Variants in AMBRA1 observed in about 807,000 individuals in gnomAD.
The protein encoded by AMBRA1 is autophagy and beclin 1 regulator 1.
A neutral mutation model predicts 125.4 loss-of-function variants in AMBRA1; 47 were observed. The observed-to-expected ratio is 0.37, with a 90% CI of 0.30 to 0.48. AMBRA1 has a LOEUF of 0.48. Among genes scored for constraint, AMBRA1 ranks in the 20% least tolerant of loss-of-function variants. The probability of loss-of-function intolerance (pLI) is 0.99; values close to 1 mark genes in which losing one functional copy is unlikely to be tolerated. For synonymous variants in AMBRA1, 626 were observed against 655.5 expected (o/e 0.95, Z 0.69); for missense variants, 1,331 against 1,693.4 (o/e 0.79, Z 3.76).
intron 11 of AMBRA1, among the ~76,000 whole-genome samples, chr11:46,485,873 C>T (rs571620898): frequency 5.7e-4 from 87 of 152,348 alleles, no homozygotes; most frequent in African/African-American, 1.9e-3. Flanking sequence ...TCAATAAGCA[C>T]ACTTCTCACT....
intron 11 of AMBRA1, among the ~76,000 whole-genome samples, chr11:46,492,100 G>T (rs903202606): frequency 2.0e-5 from 3 of 152,172 alleles, no homozygotes; most frequent in African/African-American, 7.2e-5. Context: ...AAGCCACACA[G>T]AAGTGCCAGG....
At chr11:46,524,019 C>T (rs1328132915) in intron 7 of AMBRA1, among the ~76,000 whole-genome samples, 1 of 152,140 alleles carries the variant, frequency 6.6e-6, no homozygotes, top group African/African-American at 2.4e-5. Flanking sequence ...CAGGGATGCA[C>T]CACCATGCCC....
At chr11:46,462,079 A>C (rs549950326) in intron 11 of AMBRA1, among the ~76,000 whole-genome samples, 9 of 152,296 alleles carry the variant, frequency 5.9e-5, no homozygotes, top group African/African-American at 2.2e-4. Flanking sequence ...GGCCTGTGGC[A>C]AATTTCTAGC....
chr11:46,457,935 T>C (rs988698109), intron 11 of AMBRA1, among the ~76,000 whole-genome samples: 2 of 149,578 alleles, frequency 1.3e-5, no homozygotes, highest in East Asian at 2.0e-4. Context: ...CATTCCACCC[T>C]ACTGGCCCAG....
At chr11:46,500,797 C>T (rs1232447556) in intron 9 of AMBRA1, among the ~76,000 whole-genome samples, 2 of 152,182 alleles carry the variant, frequency 1.3e-5, no homozygotes, top group African/African-American at 4.8e-5. Flanking sequence ...GTCTTCAATA[C>T]CCAGCTCAAA....
At chr11:46,546,770 C>T (rs1953037325) in intron 4 of AMBRA1, among the ~76,000 whole-genome samples, 1 of 152,180 alleles carries the variant, frequency 6.6e-6, no homozygotes, top group Non-Finnish European at 1.5e-5. Context: ...CAAGTCTCTG[C>T]ATTTAGAATA....
At chr11:46,524,291 G>A (rs1012478475) in intron 7 of AMBRA1, among the ~76,000 whole-genome samples, 2 of 152,216 alleles carry the variant, frequency 1.3e-5, no homozygotes, top group African/African-American at 4.8e-5. Context: ...GACATTTTTG[G>A]TTTTTGCTTC....
chr11:46,427,844 A>G (rs1377334715), intron 14 of AMBRA1, among the ~76,000 whole-genome samples: 1 of 151,980 alleles, frequency 6.6e-6, no homozygotes, highest in African/African-American at 2.4e-5. Context: ...CCCTGTCTCT[A>G]CTAAAAATAC....
chr11:46,408,391 C>T, intron 17 of AMBRA1, 122 bp downstream of exon 17: 1 of 1,115,922 alleles, frequency 9.0e-7, no homozygotes. Context: ...TGAGGAGGCT[C>T]TTAATGCCAC....
At chr11:46,513,683 G>T (rs1311406600) in intron 7 of AMBRA1, among the ~76,000 whole-genome samples, 1 of 152,110 alleles carries the variant, frequency 6.6e-6, no homozygotes, top group East Asian at 1.9e-4. Flanking sequence ...GACCTTCCAC[G>T]GTCCAGGCAG....
chr11:46,508,147 A>G (rs759084833), intron 9 of AMBRA1, 44 bp downstream of exon 9: 1 of 1,607,344 alleles, frequency 6.2e-7, no homozygotes, highest in South Asian at 1.1e-5. Flanking sequence ...AAGCACTCCA[A>G]GCTTGAGAGG....
intron 1 of AMBRA1, among the ~76,000 whole-genome samples, chr11:46,581,067 T>C (rs2044151856): frequency 6.6e-6 from 1 of 152,004 alleles, no homozygotes; most frequent in Non-Finnish European, 1.5e-5. Flanking sequence ...GTGCTAGGAT[T>C]ACAAGCATGA....
At chr11:46,513,539 A>C (rs1951356741) in intron 7 of AMBRA1, among the ~76,000 whole-genome samples, 2 of 152,210 alleles carry the variant, frequency 1.3e-5, no homozygotes, top group African/African-American at 4.8e-5. Flanking sequence ...GTATGACTAC[A>C]TACATGAGAA....
chr11:46,536,211 A>G (rs1952469169), intron 7 of AMBRA1, among the ~76,000 whole-genome samples: 1 of 152,222 alleles, frequency 6.6e-6, no homozygotes, highest in Non-Finnish European at 1.5e-5. Context: ...CTGAGCATCT[A>G]CTGTGTGGCC....
At chr11:46,405,203 GCCA>G (rs1945949937) in intron 17 of AMBRA1, among the ~76,000 whole-genome samples, 1 of 152,162 alleles carries the variant, frequency 6.6e-6, no homozygotes, top group Admixed American at 6.5e-5. Flanking sequence ...TAGGCTCAGG[GCCA>G]CCTCCTCCAG....
At chr11:46,532,084 A>G (rs1275156682) in intron 7 of AMBRA1, among the ~76,000 whole-genome samples, 1 of 152,158 alleles carries the variant, frequency 6.6e-6, no homozygotes, top group African/African-American at 2.4e-5. Flanking sequence ...GGGCCACTGC[A>G]CTCTAGCCTG....
At chr11:46,501,088 T>TC (rs1950820808) in intron 9 of AMBRA1, among the ~76,000 whole-genome samples, 1 of 152,250 alleles carries the variant, frequency 6.6e-6, no homozygotes, top group Admixed American at 6.5e-5. Context: ...ACAAAGCAAT[T>TC]CCCCAAATAT....
At chr11:46,565,304 C>T (rs1016888959) in intron 1 of AMBRA1, among the ~76,000 whole-genome samples, 18 of 151,708 alleles carry the variant, frequency 1.2e-4, no homozygotes, top group African/African-American at 4.4e-4. Context: ...TGTCATTTTA[C>T]TTCTGTTTTC....
intron 14 of AMBRA1, chr11:46,428,838 G>C: frequency 6.2e-7 from 1 of 1,611,320 alleles, no homozygotes; most frequent in Non-Finnish European, 8.5e-7. Context: ...CCTTTAGGCC[G>C]AGGCCTGCCA....
Sources: gnomAD v4.1 joint callset for allele counts (sites outside exome capture counted in the v4.1 genomes callset) on GRCh38, gnomAD v4.1.1 for gene constraint, MANE v1.5 for transcripts, NCBI Gene and HGNC (gene_info 2026-07-23, HGNC 2026-07-21) for gene names.